Variants in PXDN observed in about 807,000 individuals in gnomAD.
PXDN encodes the protein peroxidasin homolog.
A neutral mutation model predicts 140.3 loss-of-function variants in PXDN; 77 were observed. The ratio of observed to expected loss-of-function variants is 0.55; its 90% CI spans 0.46 to 0.66. The LOEUF is 0.66. Among genes scored for constraint, PXDN ranks in the 30% least tolerant of loss-of-function variants. The pLI, the probability that PXDN is intolerant of heterozygous loss-of-function variation, is 0.00. For missense variants in PXDN, 1,838 were observed against 2,039.5 expected (o/e 0.90, Z 1.90); for synonymous variants, 911 against 857.4 (o/e 1.06, Z -1.09).
intron 8 of PXDN, chr2:1,676,726 G>C (rs79767027): frequency 1.6e-6 from 1 of 638,946 alleles, no homozygotes; most frequent in East Asian, 2.8e-5. Flanking sequence ...TGGGGAAGGG[G>C]CCCCAGCCTG....
intron 8 of PXDN, 91 bp from the exon 9 acceptor site, chr2:1,673,903 C>G (rs750109351): frequency 4.3e-4 from 600 of 1,411,510 alleles, no homozygotes; most frequent in Admixed American, 1.8e-3. Context: ...AGCCCTGCAG[C>G]AGGCACAACT....
chr2:1,642,717 C>A lies in PXDN; in HGVS notation c.3952+651G>T, dbSNP rs185718340. The stretch of plus-strand genomic sequence containing the variant: ...TAACCAAGACTGGGAGTTAGGAATG[C>A]GAAGCAGGAACTCAGCCAGGAGAAC... On this transcript the variant is annotated intron_variant, in intron 19 of 22. Transcript: ENST00000252804. Among the ~76,000 whole-genome samples the A allele has an allele frequency of 3.7e-3, 556 of 152,324 alleles. 7 individuals are homozygous for A. The highest frequency in any genetic ancestry group is 3.4e-3 in the Middle Eastern group (1 of 294).
At chr2:1,637,747 G>T in intron 21 of PXDN, among the ~76,000 whole-genome samples, 1 of 139,894 alleles carries the variant, frequency 7.1e-6, no homozygotes, top group Non-Finnish European at 1.6e-5. Context: ...CTAGGCTGTG[G>T]AGGGAGGAGG....
Position 1,656,096 on chromosome 2 carries a change from AACAC to A in PXDN, c.1838-1592_1838-1589del, listed in dbSNP as rs370417879. Among the ~76,000 whole-genome samples the A allele has an allele frequency of 7.1e-4, 107 of 151,326 alleles. 1 individual carries two copies. Among genetic ancestry groups the A allele is most frequent in the African/African-American group, 2.4e-3 (101 of 41,252 alleles). On this transcript the variant is annotated intron_variant, in intron 14 of 22. Transcript: ENST00000252804. ...CTATAAACACACAGACACACCACAC[AACAC>A]ACACAAACACACACCCCAAACACCA...
intron 1 of PXDN, among the ~76,000 whole-genome samples, chr2:1,694,512 CCT>C (rs1684255352): frequency 6.6e-6 from 1 of 152,114 alleles, no homozygotes; most frequent in Admixed American, 6.5e-5. Context: ...AGGCGGCCCC[CCT>C]CTGCCCACCT....
At chr2:1,731,308 G>A (rs1488683332) in intron 1 of PXDN, among the ~76,000 whole-genome samples, 1 of 40,514 alleles carries the variant, frequency 2.5e-5, no homozygotes, top group Non-Finnish European at 5.7e-5. Flanking sequence ...GCTGACCTCC[G>A]CATCCCAGCA....
chr2:1,641,022 AG>A (rs1682715478), intron 19 of PXDN, among the ~76,000 whole-genome samples: 1 of 152,224 alleles, frequency 6.6e-6, no homozygotes, highest in Non-Finnish European at 1.5e-5. Context: ...TGTGCTGCCC[AG>A]GCTGGCCAAG....
Position 1,723,634 on chromosome 2 carries a change from A to G in PXDN, c.200+20622T>C, listed in dbSNP as rs1232820206. Among the ~76,000 whole-genome samples the G allele has an allele frequency of 2.6e-5, 4 of 152,190 alleles. No homozygotes were observed. The Middle Eastern group carries it at 0.01, about 388-fold the overall frequency. On this transcript the variant is annotated intron_variant, in intron 1 of 22. Transcript: ENST00000252804. ...GATAGGTGGTTATGGATGGACAGAC[A>G]GATGGACTAATAAATGAATAGATGG...
chr2:1,634,300 C>G lies in PXDN; in HGVS notation c.4344G>C (p.Val1448=). ...CACAGGTGGCAGGGGGGCAAGCTTC[C>G]ACGAAGCAGGTGACCTGCCCGTCCT... ...ECKDGQVTCF[V]EACPPATCAV... The change falls in exon 23 of 23, where the codon GTG becomes GTC. Residue 1448 remains valine (V), a synonymous_variant. Transcript: ENST00000252804. The G allele has an allele frequency of 6.3e-7, 1 of 1,598,876 alleles. No individual in the cohort carries two copies.
At chr2:1,717,064 A>G (rs948235730) in intron 1 of PXDN, among the ~76,000 whole-genome samples, 20 of 152,310 alleles carry the variant, frequency 1.3e-4, no homozygotes, top group African/African-American at 4.6e-4. Context: ...AACTTGGCTA[A>G]GGTCTGTATA....
Position 1,649,832 on chromosome 2 carries a change from T to C in PXDN, c.2105-157A>G, listed in dbSNP as rs537532589. ...CAACAAGCGCTTCCTGCTGGAAACC[T>C]GCTCACCTCCTGTTTGGTAAAACTG... On this transcript the variant is annotated intron_variant, in intron 16 of 22. Coordinates refer to ENST00000252804, the MANE Select transcript of PXDN (RefSeq NM_012293.3). This position sits in a 1 kb window ranked among gnomAD's most constrained non-coding sequence, Gnocchi z 7.1. 6.6e-6 allele frequency among the ~76,000 whole-genome samples: 1 copy of C among 152,246 alleles called. No individual in the cohort carries two copies. Among genetic ancestry groups the C allele is most frequent in the Admixed American group, 6.5e-5 (1 of 15,294 alleles).
rs1399650785 is a variant in PXDN at position 1,676,959 on chromosome 2, G to A, written c.816C>T (p.Asn272=). 1.9e-6 allele frequency: 3 copies of A among 1,612,918 alleles called. No individual in the cohort carries two copies. Among genetic ancestry groups the A allele is most frequent in the Non-Finnish European group, 2.5e-6 (3 of 1,179,540 alleles). Residue 272 remains asparagine (N), a synonymous_variant, in exon 8 of 23, where the codon AAC becomes AAT. Transcript: ENST00000252804. ...GCAGCCAGATGATCTCAGGCTTGGG[G>A]TTGCCTTCGGCTCTGCAGGTGAAGT... ...TVYFTCRAEG[N]PKPEIIWLRN... is the part of the protein sequence containing the mutation.
At chr2:1,659,998 T>TG (rs938607481) in intron 14 of PXDN, among the ~76,000 whole-genome samples, 5 of 151,768 alleles carry the variant, frequency 3.3e-5, no homozygotes, top group African/African-American at 1.2e-4. Flanking sequence ...CTGCGGGGAG[T>TG]GGGGTGATGG....
intron 1 of PXDN, among the ~76,000 whole-genome samples, chr2:1,696,107 A>G (rs555580732): frequency 9.1e-4 from 139 of 152,358 alleles, no homozygotes; most frequent in African/African-American, 3.3e-3. Flanking sequence ...ACAAACAAAT[A>G]GAACATAAAT....
intron 14 of PXDN, among the ~76,000 whole-genome samples, chr2:1,658,224 T>A (rs1025366121): frequency 6.6e-6 from 1 of 151,516 alleles, no homozygotes; most frequent in Non-Finnish European, 1.5e-5. Flanking sequence ...CCCTGTGTGG[T>A]TCCACTTCAC....
At chr2:1,693,551 T>G (rs148574826) in intron 1 of PXDN, among the ~76,000 whole-genome samples, 98 of 152,330 alleles carry the variant, frequency 6.4e-4, no homozygotes, top group African/African-American at 2.2e-3. Flanking sequence ...GAGCTGGAAT[T>G]AGGCTCTTCC....
intron 4 of PXDN, among the ~76,000 whole-genome samples, chr2:1,686,371 A>G (rs59387889): frequency 0.29 from 44,731 of 151,986 alleles, 7,382 homozygotes; most frequent in African/African-American, 0.44. Context: ...AAATTTCAGC[A>G]AACATCTACT....
intron 1 of PXDN, among the ~76,000 whole-genome samples, chr2:1,695,225 G>C (rs1684274651): frequency 6.6e-6 from 1 of 152,236 alleles, no homozygotes; most frequent in Admixed American, 6.5e-5. Context: ...CTGACATGCA[G>C]GCCTTTCCCC....
intron 18 of PXDN, among the ~76,000 whole-genome samples, chr2:1,644,321 G>A (rs768464713): frequency 1.3e-5 from 2 of 152,138 alleles, no homozygotes; most frequent in Non-Finnish European, 2.9e-5. Flanking sequence ...CAGTGGTTTA[G>A]CTGTATGGAC....
Sources: allele counts gnomAD v4.1 joint callset (sites outside exome capture counted in the v4.1 genomes callset), GRCh38; gene constraint gnomAD v4.1.1; non-coding constraint Gnocchi (gnomAD v3.1); transcripts MANE v1.5; gene names NCBI Gene and HGNC (gene_info 2026-07-23, HGNC 2026-07-21).